The following MELTF variants were observed in gnomAD, a reference collection of about 807,000 sequenced individuals.
MELTF encodes antigen p97 (melanoma associated) identified by monoclonal antibodies 133.2 and 96.5.
Under a neutral mutation model 83.7 loss-of-function variants are expected in MELTF, and 67 were observed. That is an observed-to-expected ratio of 0.80 (90% confidence interval 0.66 to 0.98). The LOEUF (loss-of-function observed/expected upper bound fraction) is 0.98, where lower values mean the gene tolerates loss of function less well. Ranked by LOEUF, MELTF falls within the 50% of genes least tolerant of loss-of-function variation. The probability of loss-of-function intolerance (pLI) is 0.00; values close to 1 mark genes in which losing one functional copy is unlikely to be tolerated. For missense variants in MELTF, 1,002 were observed against 1,035.6 expected, an observed-to-expected ratio of 0.97 and a Z score of 0.44; for synonymous variants, 462 against 447.6, an observed-to-expected ratio of 1.03 and a Z score of -0.41.
chr3:197,026,609 A>G (rs764944521), intron 3 of MELTF, 51 bp downstream of exon 3: 24 of 1,538,974 alleles, frequency 1.6e-5, no homozygotes, highest in Non-Finnish European at 2.1e-5. Context: ...CAGCCTGGAG[A>G]GCTGACTTCC....
chr3:197,026,655 C>A lies in MELTF; in HGVS notation c.304+5G>T, dbSNP rs760649260. 1 of 1,612,570 alleles carries A rather than the reference C, an allele frequency of 6.2e-7. No homozygotes were observed. Among genetic ancestry groups the A allele is most frequent in the Admixed American group, 1.7e-5 (1 of 60,036 alleles). ...GTCCTCTCTCCTCCCACTGCACCCTCTTACCTTGATCGTACACTTCGCCCA... is the reference window on the plus strand; with the variant it reads ...GTCCTCTCTCCTCCCACTGCACCCTATTACCTTGATCGTACACTTCGCCCA... On this transcript the variant is annotated splice_donor_5th_base_variant and intron_variant, in intron 3 of 15. Transcript: ENST00000296350.
In MELTF at chr3:197,003,530, T is replaced by TGGGGGTGGGGGC. The variant is rs1232378086; in HGVS notation, c.2138-80_2138-79insGCCCCCACCCCC. On this transcript the variant is annotated intron_variant, in intron 15 of 15. Transcript: ENST00000296350. The surrounding 1 kb of genome is among the most constrained non-coding windows in gnomAD (Gnocchi z 6.2). ...TCAGGCGCCCGCTCTGGGGTGGGGG[T>TGGGGGTGGGGGC]GGGGGCATCTTTCGGGACCGAACTC... is the stretch of plus-strand genomic sequence containing the variant. The TGGGGGTGGGGGC allele has an allele frequency of 1.7e-5, 2 of 115,148 alleles. No homozygotes were observed. The highest frequency in any genetic ancestry group is 2.2e-4 in the Admixed American group (1 of 4,506). The allele number at this position is 115,148 out of a possible 1,614,324, so 7.1% of individuals were successfully genotyped here. A position where few individuals can be genotyped will look rare whatever the true frequency, so the allele number is the denominator to read the frequency against.
rs928834895 is a variant in MELTF, at chr3:197,027,762, G to A, written c.198C>T (p.Leu66=). The A allele has an allele frequency of 1.6e-5, 25 of 1,609,064 alleles. No individual in the cohort carries two copies. The highest frequency in any genetic ancestry group is 2.2e-5 in the East Asian group (1 of 44,720). ...TGGAAGGGAGAGGACTCACCGCGAT[G>A]AGCTGGACGCAGTGGTCGGCGGAGG... is the stretch of plus-strand genomic sequence containing the variant. ...RGTSADHCVQ[L]IAAQEADAIT... is the part of the protein sequence containing the mutation. Residue 66 remains leucine, a synonymous_variant, in exon 2 of 16, where the codon CTC becomes CTT. Coordinates refer to ENST00000296350, the MANE Select transcript of MELTF (RefSeq NM_005929.6).
In MELTF at chr3:197,001,877, C is replaced by G. The variant is rs1718741981; in HGVS notation, c.*1495G>C. ...ACAATCCAGCGTCACTTACACTGCA[C>G]CCACGCAGGCCACACCTTCAATGGC... On this transcript the variant is annotated 3_prime_UTR_variant, in exon 16 of 16. Transcript: ENST00000296350. The G allele has an allele frequency of 6.6e-6, 1 of 152,246 alleles. No individual in the cohort carries two copies. Among genetic ancestry groups the G allele is most frequent in the African/African-American group, 2.4e-5 (1 of 41,428 alleles). The allele number at this position is 152,246 out of a possible 1,614,324, so 9.4% of individuals were successfully genotyped here. A position where few individuals can be genotyped will look rare whatever the true frequency, so the allele number is the denominator to read the frequency against.
chr3:197,021,397 C>A lies in MELTF; in HGVS notation c.712+7G>T. ...CTCCTCTGGGCCCGTGCCCCTCCCCCACTCACCATCCGTGTTCTCCAGTAC... is the reference window on the plus strand; with the variant it reads ...CTCCTCTGGGCCCGTGCCCCTCCCCAACTCACCATCCGTGTTCTCCAGTAC... On this transcript the variant is annotated splice_region_variant and intron_variant, in intron 6 of 15. Coordinates refer to ENST00000296350, the MANE Select transcript of MELTF (RefSeq NM_005929.6). The A allele has an allele frequency of 3.7e-6, 6 of 1,614,010 alleles. No homozygotes were observed. Among genetic ancestry groups the A allele is most frequent in the South Asian group, 1.1e-5 (1 of 91,080 alleles).
intron 4 of MELTF, among the ~76,000 whole-genome samples, chr3:197,023,356 A>G (rs1445591880): frequency 6.6e-6 from 1 of 152,128 alleles, no homozygotes; most frequent in Non-Finnish European, 1.5e-5. Flanking sequence ...GGAACTAAAC[A>G]TTTCCTCCTA....
rs1407136690 is a variant in MELTF, at chr3:197,022,997, T to G, written c.604A>C (p.Ser202Arg). Residue 202 changes from serine to arginine, a missense_variant, in exon 5 of 16, where the codon AGC becomes CGC. Coordinates refer to ENST00000296350, the MANE Select transcript of MELTF (RefSeq NM_005929.6). This position sits in a 1 kb window ranked among gnomAD's most constrained non-coding sequence, Gnocchi z 5.1. ...DSSGEGVCDK[S>R]PLERYYDYSG... ...TAGTCGTAGTATCTCTCCAGGGGGC[T>G]CTTGTCACACACCCCTTCCCCAGAG... 1 of 1,613,340 alleles carries G rather than the reference T, an allele frequency of 6.2e-7. No homozygotes were observed. Among genetic ancestry groups the G allele is most frequent in the South Asian group, 1.1e-5 (1 of 91,050 alleles).
At position 197,004,050 on chromosome 3, in the gene MELTF, G is replaced by A; in HGVS notation, c.1988C>T (p.Ser663Phe). The change falls in exon 15 of 16, where the codon TCC becomes TTC. Residue 663 changes from serine to phenylalanine, a missense_variant. By Grantham distance (155) the Ser-to-Phe change is radical. Transcript: ENST00000296350. ...CAGGTCTTGGCCATGATAGTTGGAG[G>A]AGTCGAACATTTTGAACCCGTTCTT... Reference protein sequence around the residue: ...HNKNGFKMFDSSNYHGQDLLF... With the variant: ...HNKNGFKMFDFSNYHGQDLLF... 1 of 1,614,186 alleles carries A rather than the reference G, an allele frequency of 6.2e-7. No individual in the cohort carries two copies. Among genetic ancestry groups the A allele is most frequent in the Non-Finnish European group, 8.5e-7 (1 of 1,180,036 alleles).
intron 10 of MELTF, among the ~76,000 whole-genome samples, chr3:197,010,141 G>A (rs1200174009): frequency 2.6e-5 from 4 of 152,238 alleles, no homozygotes; most frequent in Non-Finnish European, 5.9e-5. Flanking sequence ...AGGCGCAGCT[G>A]AGGCTGCAGA....
rs141356904 is a variant in MELTF, at chr3:197,009,524, C to T, written c.1525+94G>A. On this transcript the variant is annotated intron_variant, in intron 11 of 15. Transcript: ENST00000296350. ...GGCACATATGCAGAAGCCTGGCCAC[C>T]TTCCAACAAGGTCCTCTCCCCAACA... 861 of 1,317,370 alleles carry T rather than the reference C, an allele frequency of 6.5e-4. 1 individual carries two copies. In the African/African-American group the frequency reaches 0.01, roughly 16 times the overall value. 81.6% of individuals were successfully genotyped at this position (1,317,370 alleles called of 1,614,324 possible).
chr3:197,019,538 G>A (rs1719533171), intron 6 of MELTF: 2 of 1,543,086 alleles, frequency 1.3e-6, no homozygotes, highest in African/African-American at 1.4e-5. Context: ...GGGGGTTTGA[G>A]ACCAGCCTGG....
At position 197,017,143 on chromosome 3, in the gene MELTF, G is replaced by T. The variant is rs534698483; in HGVS notation, c.860C>A (p.Thr287Lys). The change falls in exon 7 of 16, where the codon ACA becomes AAA. Residue 287 changes from threonine to lysine, a missense_variant. By Grantham distance (78) the Thr-to-Lys change is moderately conservative. Transcript: ENST00000296350. ...CAGCCGGAAGATGAGGCCCCCATCT[G>T]TGTCGGCCCGGACCACCACGGCGTG... Reference protein sequence around the residue: ...PAHAVVVRADTDGGLIFRLLN... With the variant: ...PAHAVVVRADKDGGLIFRLLN... The T allele has an allele frequency of 1.2e-6, 2 of 1,612,216 alleles. No homozygotes were observed. The highest frequency in any genetic ancestry group is 4.5e-5 in the East Asian group (2 of 44,808).
chr3:197,019,581 C>T (rs774221671), intron 6 of MELTF: 9 of 1,583,598 alleles, frequency 5.7e-6, no homozygotes, highest in Middle Eastern at 1.7e-4. Flanking sequence ...TCAAAAAAAA[C>T]CCCAAGTTTG....
rs1162858140 is a variant in MELTF, at chr3:197,008,931, G to T, written c.1560C>A (p.Pro520=). Residue 520 remains proline (P), a synonymous_variant, in exon 12 of 16, where the codon CCC becomes CCA. Coordinates refer to ENST00000296350, the MANE Select transcript of MELTF (RefSeq NM_005929.6). The surrounding 1 kb of genome is among the most constrained non-coding windows in gnomAD (Gnocchi z 5.4). ...AGGGGTAGTTCTTGGGGTTGTTCAC[G>T]GGCACGCAGCTGGCATTGAAGAACT... ...VSEFFNASCV[P]VNNPKNYPSS... is the part of the protein sequence containing the mutation. 6.2e-7 allele frequency: 1 copy of T among 1,613,922 alleles called. No homozygotes were observed. The highest frequency in any genetic ancestry group is 1.3e-5 in the African/African-American group (1 of 74,918).
chr3:197,015,233 C>A, intron 9 of MELTF, 132 bp downstream of exon 9: 1 of 1,169,032 alleles, frequency 8.6e-7, no homozygotes. Flanking sequence ...CTCCTCCCCA[C>A]CCGTCTCTGT....
Position 197,009,758 on chromosome 3 carries a change from G to A in MELTF, c.1385C>T (p.Ser462Phe), listed in dbSNP as rs755904814. Residue 462 changes from serine (S) to phenylalanine (F), a missense_variant, in exon 11 of 16, where the codon TCC becomes TTC. Transcript: ENST00000296350. ...AAGCTCATCCAAGGTGAAGGCGTGG[G>A]AGCTGTCCCGTCTCACCACGGCCAC... is the stretch of plus-strand genomic sequence containing the variant. ...YVVAVVRRDS[S>F]HAFTLDELRG... 1 of 1,613,384 alleles carries A rather than the reference G, an allele frequency of 6.2e-7. No individual in the cohort carries two copies. Among genetic ancestry groups the A allele is most frequent in the Non-Finnish European group, 8.5e-7 (1 of 1,180,020 alleles).
At chr3:197,028,344 G>C (rs958368463) in intron 1 of MELTF, 1 of 161,246 alleles carries the variant, frequency 6.2e-6, no homozygotes, top group Non-Finnish European at 1.4e-5. Context: ...GAACTGGGAC[G>C]GGAGAGTGAG....
intron 6 of MELTF, among the ~76,000 whole-genome samples, chr3:197,020,860 G>A (rs568850421): frequency 2.0e-5 from 3 of 152,156 alleles, no homozygotes; most frequent in South Asian, 4.2e-4. Context: ...GCAGAGATAG[G>A]ATTTCACCAT....
intron 11 of MELTF, 83 bp downstream of exon 11, chr3:197,009,535 G>A: frequency 7.2e-7 from 1 of 1,397,098 alleles, no homozygotes. Context: ...TTCCAACAAG[G>A]TCCTCTCCCC....
Sources: allele counts gnomAD v4.1 joint callset (sites outside exome capture counted in the v4.1 genomes callset), GRCh38; gene constraint gnomAD v4.1.1; non-coding constraint Gnocchi (gnomAD v3.1); transcripts MANE v1.5; gene names NCBI Gene and HGNC (gene_info 2026-07-23, HGNC 2026-07-21).